Variants in ZBTB20 observed in about 807,000 individuals in gnomAD.
ZBTB20 encodes the protein zinc finger and BTB domain containing 20.
ZBTB20 carries 9 observed loss-of-function variants against 56.9 expected under a neutral mutation model. The observed-to-expected ratio is 0.16, with a 90% confidence interval of 0.10 to 0.28. ZBTB20 has a LOEUF of 0.28. Ranked by LOEUF, ZBTB20 falls within the 10% of genes least tolerant of loss-of-function variation. The pLI is 1.00. For synonymous variants in ZBTB20, 417 were observed against 420.7 expected, an observed-to-expected ratio of 0.99 and a Z score of 0.11; for missense variants, 655 against 1,003.0, an observed-to-expected ratio of 0.65 and a Z score of 4.69.
chr3:115,141,669 T>C (rs1358831484), intron 1 of ZBTB20, among the ~76,000 whole-genome samples: 1 of 152,112 alleles, frequency 6.6e-6, no homozygotes, highest in Non-Finnish European at 1.5e-5. Flanking sequence ...CAAAACAAGT[T>C]TGTGGAAATT....
At chr3:114,400,957 T>C (rs969808877) in intron 7 of ZBTB20, among the ~76,000 whole-genome samples, 35 of 152,202 alleles carry the variant, frequency 2.3e-4, no homozygotes, top group African/African-American at 8.4e-4. Flanking sequence ...TGGTTACTGT[T>C]ACTACAAGCA....
chr3:115,003,665 T>TA (rs1209811900), intron 2 of ZBTB20, among the ~76,000 whole-genome samples: 1 of 151,376 alleles, frequency 6.6e-6, no homozygotes, highest in Non-Finnish European at 1.5e-5. Flanking sequence ...ACGCCCCTAC[T>TA]AAAAAACAAA....
intron 7 of ZBTB20, among the ~76,000 whole-genome samples, chr3:114,424,937 T>A (rs1051746696): frequency 6.6e-6 from 1 of 152,152 alleles, no homozygotes; most frequent in Non-Finnish European, 1.5e-5. Context: ...TTTCTTTTTT[T>A]AAATCAATTA....
At chr3:114,956,202 C>G (rs893934314) in intron 3 of ZBTB20, among the ~76,000 whole-genome samples, 3 of 152,190 alleles carry the variant, frequency 2.0e-5, no homozygotes, top group African/African-American at 7.2e-5. Flanking sequence ...CAATTCACTA[C>G]TCAGGTTATT....
chr3:114,681,831 G>A (rs151178697), intron 6 of ZBTB20, among the ~76,000 whole-genome samples: 43 of 152,260 alleles, frequency 2.8e-4, no homozygotes, highest in East Asian at 2.1e-3. Flanking sequence ...CTAGTTAGCC[G>A]CTGTGCAGCT....
At chr3:114,457,983 T>C (rs973839255) in intron 7 of ZBTB20, among the ~76,000 whole-genome samples, 1 of 152,166 alleles carries the variant, frequency 6.6e-6, no homozygotes, top group Non-Finnish European at 1.5e-5. Flanking sequence ...GCAAAACCAC[T>C]TGAGAGAATC....
At chr3:114,797,257 ATCTTTT>A (rs2071395337) in intron 5 of ZBTB20, among the ~76,000 whole-genome samples, 1 of 151,596 alleles carries the variant, frequency 6.6e-6, no homozygotes, top group Non-Finnish European at 1.5e-5. Flanking sequence ...AGTATATGTG[ATCTTTT>A]AAACTTTCAT....
At chr3:114,667,260 G>A (rs2061112159) in intron 6 of ZBTB20, among the ~76,000 whole-genome samples, 1 of 151,922 alleles carries the variant, frequency 6.6e-6, no homozygotes, top group South Asian at 2.1e-4. Flanking sequence ...GATAAACAGA[G>A]CACATCTGTA....
At chr3:114,998,483 G>A (rs2079116084) in intron 2 of ZBTB20, among the ~76,000 whole-genome samples, 1 of 151,670 alleles carries the variant, frequency 6.6e-6, no homozygotes, top group African/African-American at 2.4e-5. Context: ...ACTGTTTCAT[G>A]TTTCCCTTTA....
At chr3:114,699,380 C>T (rs1369128020) in intron 5 of ZBTB20, among the ~76,000 whole-genome samples, 2 of 151,610 alleles carry the variant, frequency 1.3e-5, no homozygotes, top group African/African-American at 4.8e-5. Context: ...TTAGGTTACA[C>T]AAATTTAAAT....
At chr3:114,843,546 T>C (rs2074490951) in intron 4 of ZBTB20, among the ~76,000 whole-genome samples, 1 of 152,214 alleles carries the variant, frequency 6.6e-6, no homozygotes, top group South Asian at 2.1e-4. Flanking sequence ...CGTATACATA[T>C]ATTTTACAGA....
At position 114,326,898 on chromosome 3, in the gene ZBTB20, C is replaced by CTCTA. The variant is rs894323288; in HGVS notation, c.*12106_*12107insTAGA. 8 of 152,062 alleles carry CTCTA rather than the reference C, an allele frequency of 5.3e-5. No homozygotes were observed. The highest frequency in any genetic ancestry group is 1.9e-4 in the African/African-American group (8 of 41,402). The allele number at this position is 152,062 out of a possible 1,614,324, so 9.4% of individuals were successfully genotyped here. ...ATTTCCTAAGCTATATTTGTAAATT[C>CTCTA]TAGAGCTACATATCTGTAAAATAAG... On this transcript the variant is annotated 3_prime_UTR_variant, in exon 12 of 12. Transcript: ENST00000675478.
intron 7 of ZBTB20, among the ~76,000 whole-genome samples, chr3:114,491,630 C>T (rs368232072): frequency 1.1e-4 from 16 of 152,186 alleles, no homozygotes; most frequent in African/African-American, 3.6e-4. Context: ...TATCAGTAAT[C>T]TTATACTGCC....
chr3:114,843,011 T>C (rs1359885073), intron 4 of ZBTB20, among the ~76,000 whole-genome samples: 1 of 152,174 alleles, frequency 6.6e-6, no homozygotes. Flanking sequence ...TAAGATTTGA[T>C]GCTTTTAAAG....
intron 6 of ZBTB20, among the ~76,000 whole-genome samples, chr3:114,659,510 A>G (rs1235297391): frequency 6.6e-6 from 1 of 152,166 alleles, no homozygotes; most frequent in Non-Finnish European, 1.5e-5. Flanking sequence ...CAAACTAAGT[A>G]ATCTATGAGA....
intron 6 of ZBTB20, among the ~76,000 whole-genome samples, chr3:114,625,465 C>T (rs1237761164): frequency 6.6e-6 from 1 of 152,086 alleles, no homozygotes; most frequent in African/African-American, 2.4e-5. Flanking sequence ...AAATGCAAGG[C>T]ACTGCAGTTA....
chr3:114,714,696 G>A (rs1258677838), intron 5 of ZBTB20, among the ~76,000 whole-genome samples: 1 of 152,150 alleles, frequency 6.6e-6, no homozygotes, highest in African/African-American at 2.4e-5. Context: ...GTACCACTGT[G>A]CCCTAAAAAT....
At chr3:114,670,598 T>G (rs886281463) in intron 6 of ZBTB20, among the ~76,000 whole-genome samples, 5 of 152,010 alleles carry the variant, frequency 3.3e-5, no homozygotes, top group African/African-American at 1.2e-4. Flanking sequence ...CCACTAAAAT[T>G]TATTTCTAGA....
At chr3:115,011,511 A>C (rs866511583) in intron 2 of ZBTB20, among the ~76,000 whole-genome samples, 3 of 151,912 alleles carry the variant, frequency 2.0e-5, no homozygotes, top group African/African-American at 4.8e-5. Flanking sequence ...TAATATTTAA[A>C]GTACTGAAGG....
Sources: allele counts gnomAD v4.1 joint callset (sites outside exome capture counted in the v4.1 genomes callset), GRCh38; gene constraint gnomAD v4.1.1; transcripts MANE v1.5; gene names NCBI Gene and HGNC (gene_info 2026-07-23, HGNC 2026-07-21).